RNF40: variants seen among roughly 807,000 people sequenced by gnomAD.
RNF40 encodes the protein E3 ubiquitin-protein ligase BRE1B.
RNF40 carries 39 observed loss-of-function variants against 123.3 expected under a neutral mutation model. The observed-to-expected ratio is 0.32, with a 90% CI of 0.24 to 0.41. The LOEUF (loss-of-function observed/expected upper bound fraction) is 0.41, where lower values mean the gene tolerates loss of function less well. RNF40 is among the 10% of genes least tolerant of loss of function. RNF40 has a pLI of 1.00. For missense variants in RNF40, 1,003 were observed against 1,319.9 expected (o/e 0.76, Z 3.72); for synonymous variants, 538 against 526.0 (o/e 1.02, Z -0.31).
chr16:30,767,550 A>T (rs1183551412), intron 11 of RNF40: 1 of 211,958 alleles, frequency 4.7e-6, no homozygotes, highest in Non-Finnish European at 9.6e-6. Flanking sequence ...CATGTCTGTA[A>T]TCCCAGCACT....
rs1316884588 is a variant in RNF40, at chr16:30,774,964, G to A, written c.*850G>A. ...GGGACAGACCAGCCCCAGCCGCTGGGCCAACTTCCAATCATTCCAGCTAGA... is the reference window on the plus strand; with the variant it reads ...GGGACAGACCAGCCCCAGCCGCTGGACCAACTTCCAATCATTCCAGCTAGA... On this transcript the variant is annotated 3_prime_UTR_variant, in exon 20 of 20. Coordinates refer to ENST00000324685, the MANE Select transcript of RNF40 (RefSeq NM_014771.4). 2.2e-6 allele frequency: 1 copy of A among 456,514 alleles called. No individual in the cohort carries two copies. Among genetic ancestry groups the A allele is most frequent in the Non-Finnish European group, 4.4e-6 (1 of 226,794 alleles). 28.3% of individuals were successfully genotyped at this position (456,514 alleles called of 1,614,324 possible).
At chr16:30,762,316 T>G, upstream of RNF40, 1 of 496,698 alleles carries the variant, frequency 2.0e-6, no homozygotes. Context: ...CCCAGTGACG[T>G]CCGGTGAAAT....
Position 30,771,972 on chromosome 16 carries a change from A to T in RNF40, c.2726A>T (p.Gln909Leu). The change falls in exon 18 of 20, where the codon CAG becomes CTG. Residue 909 changes from glutamine (Q) to leucine (L), a missense_variant and splice_region_variant. Physicochemically the swap from Gln to Leu is moderately radical, Grantham distance 113. Around this residue, in one of 11 missense-constraint regions of RNF40, gnomAD observed 121 missense variants for 125.3 expected, o/e 0.97. Transcript: ENST00000324685. ...EKESFNLKRAQEDISRLRRKL... is the reference protein window; with the variant it reads ...EKESFNLKRALEDISRLRRKL... ...GAGAGCTTCAACCTCAAGAGGGCTCAGGTGTGTGCAGGGGTGAGGGGCCAG... is the reference window on the plus strand; with the variant it reads ...GAGAGCTTCAACCTCAAGAGGGCTCTGGTGTGTGCAGGGGTGAGGGGCCAG... The T allele has an allele frequency of 6.3e-7, 1 of 1,591,540 alleles. No homozygotes were observed. Among genetic ancestry groups the T allele is most frequent in the Non-Finnish European group, 8.6e-7 (1 of 1,165,822 alleles).
chr16:30,768,280 G>T lies in RNF40; in HGVS notation c.1729G>T (p.Val577Leu). The change falls in exon 13 of 20, where the codon GTG becomes TTG. Residue 577 changes from valine to leucine, a missense_variant. This residue lies in a region of RNF40 where 295 missense variants were observed against 331.7 expected (regional missense o/e 0.89). Transcript: ENST00000324685. This position sits in a 1 kb window ranked among gnomAD's most constrained non-coding sequence, Gnocchi z 4.1. ...TGGCACCACCACTACTACCACTTCA[G>T]TGAAGAAGGAGGAGCTGGTCCCCTC... ...VPGTTTTTTS[V>L]KKEELVPSEE... 6.2e-7 allele frequency: 1 copy of T among 1,614,060 alleles called. No individual in the cohort carries two copies. The highest frequency in any genetic ancestry group is 8.5e-7 in the Non-Finnish European group (1 of 1,180,038).
At chr16:30,762,401 G>A (rs1176175247) in intron 1 of RNF40, 41 bp downstream of exon 1, 1 of 818,744 alleles carries the variant, frequency 1.2e-6, no homozygotes, top group East Asian at 3.2e-5. Context: ...TCCAGCAGGT[G>A]TGTGCAGGGT....
chr16:30,762,222 AAAG>A (rs928134439), upstream of RNF40: 11 of 362,434 alleles, frequency 3.0e-5, no homozygotes, highest in Non-Finnish European at 5.0e-5. Flanking sequence ...AGCAGAAGAT[AAAG>A]AAGTTTCCTC....
In RNF40 at chr16:30,774,125, C is replaced by T. The variant is rs1048622; in HGVS notation, c.*11C>T. On this transcript the variant is annotated 3_prime_UTR_variant, in exon 20 of 20. Transcript: ENST00000324685. ...ATCTACATCAGCTGAACCTGAAACT[C>T]AGGGGACTCTGGAACACCATGGACC... 1 of 1,608,856 alleles carries T rather than the reference C, an allele frequency of 6.2e-7. No homozygotes were observed. Among genetic ancestry groups the T allele is most frequent in the East Asian group, 2.2e-5 (1 of 44,768 alleles).
At chr16:30,765,352 T>C (rs1427709901) in intron 7 of RNF40, 25 bp downstream of exon 7, 1 of 1,613,974 alleles carries the variant, frequency 6.2e-7, no homozygotes, top group East Asian at 2.2e-5. Flanking sequence ...CTGGGGCAGG[T>C]GAGGCAAGGC....
chr16:30,767,399 G>A (rs2054054252), intron 11 of RNF40, among the ~76,000 whole-genome samples: 1 of 152,154 alleles, frequency 6.6e-6, no homozygotes, highest in Admixed American at 6.5e-5. Flanking sequence ...TAGGAGGCCA[G>A]GGAAATGTAC....
At chr16:30,763,076 C>T in intron 2 of RNF40, 42 bp from the exon 3 acceptor site, 2 of 1,609,504 alleles carry the variant, frequency 1.2e-6, no homozygotes, top group South Asian at 1.1e-5. Flanking sequence ...GTTTGTGGGC[C>T]CTGCTTGACG....
In RNF40 at chr16:30,774,253, G is replaced by T. The variant is rs2054197947; in HGVS notation, c.*139G>T. 1.2e-6 allele frequency: 1 copy of T among 854,506 alleles called. No homozygotes were observed. Among genetic ancestry groups the T allele is most frequent in the Non-Finnish European group, 1.8e-6 (1 of 565,148 alleles). The allele number at this position is 854,506 out of a possible 1,614,324, so 52.9% of individuals were successfully genotyped here. On this transcript the variant is annotated 3_prime_UTR_variant, in exon 20 of 20. Transcript: ENST00000324685. ...CCCCTGCCCATCTAGTTGGTTTGGG[G>T]ACCCTGGTGCATGCTAGTGGGCATG...
Position 30,768,209 on chromosome 16 carries a change from G to A in RNF40, c.1658G>A (p.Gly553Asp), listed in dbSNP as rs1253818285. The A allele has an allele frequency of 1.2e-6, 2 of 1,613,566 alleles. No homozygotes were observed. The highest frequency in any genetic ancestry group is 2.7e-5 in the African/African-American group (2 of 74,936). Residue 553 changes from glycine (G) to aspartate (D), a missense_variant, in exon 13 of 20, where the codon GGC becomes GAC. Gly to Asp is a moderately conservative substitution (Grantham distance 94). Transcript: ENST00000324685. The surrounding 1 kb of genome is among the most constrained non-coding windows in gnomAD (Gnocchi z 4.1). Reference protein sequence around the residue: ...PAPGKEEGGPGPVSTPDNRKE... With the variant: ...PAPGKEEGGPDPVSTPDNRKE... ...CCAGGGAAAGAGGAGGGTGGGCCAG[G>A]CCCTGTCAGTACCCCCGACAACAGA...
intron 19 of RNF40, chr16:30,773,690 T>C (rs1237048591): frequency 1.0e-5 from 4 of 392,320 alleles, no homozygotes; most frequent in African/African-American, 8.1e-5. Context: ...CTTGTCCTTT[T>C]GAGGGGACAC....
intron 5 of RNF40, 62 bp downstream of exon 5, chr16:30,764,447 C>G (rs892756853): frequency 4.9e-6 from 7 of 1,415,484 alleles, no homozygotes; most frequent in Non-Finnish European, 6.8e-6. Flanking sequence ...GATGGCACCC[C>G]TTCCTGATTC....
Position 30,768,525 on chromosome 16 carries a change from G to T in RNF40, c.1974G>T (p.Glu658Asp). 6.2e-7 allele frequency: 1 copy of T among 1,611,672 alleles called. No homozygotes were observed. Among genetic ancestry groups the T allele is most frequent in the South Asian group, 1.1e-5 (1 of 90,990 alleles). Residue 658 changes from glutamate to aspartate, a missense_variant, in exon 13 of 20, where the codon GAG becomes GAT. By Grantham distance (45) the Glu-to-Asp change is conservative. Transcript: ENST00000324685. This position sits in a 1 kb window ranked among gnomAD's most constrained non-coding sequence, Gnocchi z 4.1. ...AACTCCTCAAGGGTCTCCGAGCAGA[G>T]CTCAAGTGAGGCTCTGTTCCTGTCT... ...ESELLKGLRA[E>D]LKKAQESQKE...
intron 2 of RNF40, 36 bp from the exon 3 acceptor site, chr16:30,763,082 T>A (rs562447508): frequency 6.2e-7 from 1 of 1,611,352 alleles, no homozygotes; most frequent in African/African-American, 1.3e-5. Context: ...GGGCCCTGCT[T>A]GACGCTCTCG....
At position 30,765,334 on chromosome 16, in the gene RNF40, CA is replaced by C. The variant is rs1444251213; in HGVS notation, c.918+8del. 6 of 1,614,148 alleles carry C rather than the reference CA, an allele frequency of 3.7e-6. No homozygotes were observed. Among genetic ancestry groups the C allele is most frequent in the Admixed American group, 1.7e-5 (1 of 60,024 alleles). On this transcript the variant is annotated splice_region_variant and intron_variant, in intron 7 of 19. Coordinates refer to ENST00000324685, the MANE Select transcript of RNF40 (RefSeq NM_014771.4). ...GGCAGAGGCCTTAGAGCAGGTGGGGCAGGGGTGCTGGGGCAGGTGAGGCAAG... is the reference window on the plus strand; with the variant it reads ...GGCAGAGGCCTTAGAGCAGGTGGGGCGGGGTGCTGGGGCAGGTGAGGCAAG...
intron 1 of RNF40, 45 bp from the exon 2 acceptor site, chr16:30,762,430 T>C: frequency 8.6e-7 from 1 of 1,160,004 alleles, no homozygotes. Context: ...TTTGGGGCTG[T>C]GGAACACCAG....
chr16:30,762,010 G>C (rs532724280), upstream of RNF40: 272 of 522,464 alleles, frequency 5.2e-4, no homozygotes, highest in Non-Finnish European at 8.3e-4. Flanking sequence ...GCGCAGATAC[G>C]TGAGAAGTTG....
Sources: gnomAD v4.1 joint callset for allele counts (sites outside exome capture counted in the v4.1 genomes callset) on GRCh38, gnomAD v4.1.1 for gene constraint, gnomAD v4.1.1 regional missense constraint, Gnocchi (gnomAD v3.1) non-coding constraint, MANE v1.5 for transcripts, NCBI Gene and HGNC (gene_info 2026-07-23, HGNC 2026-07-21) for gene names.